OR4E2: variants seen among roughly 807,000 people sequenced by gnomAD.
The protein encoded by OR4E2 is olfactory receptor family 4 subfamily E member 2, also known as olfactory receptor 4E2.
A neutral mutation model predicts 11.0 loss-of-function variants in OR4E2; 9 were observed. That is an observed-to-expected ratio of 0.82 (90% CI 0.49 to 1.43). The LOEUF is 1.43. OR4E2 is among the 40% of genes most tolerant of loss of function. The probability of loss-of-function intolerance (pLI) is 0.00; values close to 1 mark genes in which losing one functional copy is unlikely to be tolerated. For missense variants in OR4E2, 441 were observed against 382.0 expected (o/e 1.15, Z -1.29); for synonymous variants, 159 against 147.3 (o/e 1.08, Z -0.57).
At chr14:21,664,958 ATAAGC>A in intron 3 of OR4E2, 112 bp from the exon 4 acceptor site, 1 of 633,234 alleles carries the variant, frequency 1.6e-6, no homozygotes, top group East Asian at 2.8e-5. Flanking sequence ...AATTGATTTC[ATAAGC>A]TATATGCTCT....
intron 1 of OR4E2, 62 bp downstream of exon 1, chr14:21,654,001 G>A (rs992636386): frequency 1.3e-5 from 2 of 152,178 alleles, no homozygotes; most frequent in African/African-American, 4.8e-5. Context: ...TAGTTTTTAT[G>A]TATAAACAAA....
chr14:21,661,652 T>C (rs1468521370), intron 3 of OR4E2, among the ~76,000 whole-genome samples: 1 of 152,254 alleles, frequency 6.6e-6, no homozygotes, highest in Non-Finnish European at 1.5e-5. Flanking sequence ...GTGGTTCTAA[T>C]GTGCAGCCAC....
At chr14:21,659,274 A>G (rs940160046) in intron 2 of OR4E2, among the ~76,000 whole-genome samples, 1 of 152,160 alleles carries the variant, frequency 6.6e-6, no homozygotes, top group Admixed American at 6.5e-5. Flanking sequence ...GCCTCAAGCA[A>G]TCCTCTTGCC....
intron 2 of OR4E2, among the ~76,000 whole-genome samples, chr14:21,658,622 CTG>C (rs1227278410): frequency 1.3e-5 from 2 of 152,056 alleles, no homozygotes; most frequent in Non-Finnish European, 2.9e-5. Context: ...TAGGCTGAAA[CTG>C]GGGTCAGGGA....
chr14:21,657,442 TCCTTC>T (rs1880046743), intron 2 of OR4E2, among the ~76,000 whole-genome samples: 1 of 3,968 alleles, frequency 2.5e-4, no homozygotes, highest in Non-Finnish European at 6.2e-4. Context: ...CTTCTTTCTT[TCCTTC>T]CTTCCTTCCT....
rs1426363590 is a variant in OR4E2 at position 21,666,077 on chromosome 14, A to G, written c.*53A>G. ...CAGCCACATCCTTAATGAAAGAGCA[A>G]AAGTAAAGAGTCAAAATCAACTTAT... On this transcript the variant is annotated 3_prime_UTR_variant, in exon 4 of 4. Coordinates refer to ENST00000641524, the MANE Select transcript of OR4E2 (RefSeq NM_001001912.3). 8 of 1,324,980 alleles carry G rather than the reference A, an allele frequency of 6.0e-6. No homozygotes were observed. Among genetic ancestry groups the G allele is most frequent in the Admixed American group, 3.9e-5 (2 of 51,186 alleles). The allele number at this position is 1,324,980 out of a possible 1,614,324, so 82.1% of individuals were successfully genotyped here.
chr14:21,666,952 C>G lies in OR4E2; in HGVS notation c.*928C>G, dbSNP rs543925568. 6.6e-6 allele frequency: 1 copy of G among 152,208 alleles called. No individual in the cohort carries two copies. The highest frequency in any genetic ancestry group is 2.4e-5 in the African/African-American group (1 of 41,528). 9.4% of individuals were successfully genotyped at this position (152,208 alleles called of 1,614,324 possible). A position where few individuals can be genotyped will look rare whatever the true frequency, so the allele number is the denominator to read the frequency against. On this transcript the variant is annotated 3_prime_UTR_variant, in exon 4 of 4. Transcript: ENST00000641524. The stretch of plus-strand genomic sequence containing the variant: ...AAGCCACCTGCCCCTCTCAGCTAAT[C>G]ATTAACTACTATCACTCATTGGGCT...
In OR4E2 at chr14:21,665,328, G is replaced by A. The variant is rs1486023976; in HGVS notation, c.246G>A (p.Leu82=). 1 of 1,614,074 alleles carries A rather than the reference G, an allele frequency of 6.2e-7. No individual in the cohort carries two copies. The highest frequency in any genetic ancestry group is 1.1e-5 in the South Asian group (1 of 91,084). ...CHSSVTVPKM[L]EGLLLERKTI... The stretch of plus-strand genomic sequence containing the variant: ...CATCTGTCACTGTGCCTAAGATGTT[G>A]GAGGGTTTGCTTTTAGAAAGAAAGA... Residue 82 remains leucine, a synonymous_variant, in exon 4 of 4, where the codon TTG becomes TTA. Transcript: ENST00000641524.
At position 21,656,590 on chromosome 14, in the gene OR4E2, G is replaced by T. The variant is rs118086505; in HGVS notation, c.-103+1G>T. The T allele has an allele frequency of 1.3e-5, 2 of 152,228 alleles. No individual in the cohort carries two copies. The highest frequency in any genetic ancestry group is 3.9e-4 in the East Asian group (2 of 5,186). 9.4% of individuals were successfully genotyped at this position (152,228 alleles called of 1,614,324 possible). A position where few individuals can be genotyped will look rare whatever the true frequency, so the allele number is the denominator to read the frequency against. On this transcript the variant is annotated splice_donor_variant, in intron 2 of 3. Coordinates refer to ENST00000641524, the MANE Select transcript of OR4E2 (RefSeq NM_001001912.3). LOFTEE classifies it low-confidence loss of function (5UTR_SPLICE). ...ATCCCTGCACAACTGGAGAAAACTG[G>T]TAAGTTTTACCACTACCTGCGCTGC...
Position 21,666,004 on chromosome 14 carries a change from T to C in OR4E2, c.922T>C (p.Phe308Leu). Residue 308 changes from phenylalanine to leucine, a missense_variant, in exon 4 of 4, where the codon TTC (phenylalanine) becomes CTC (leucine). Transcript: ENST00000641524. ...GCAGCTCAGGCAGAGACAAGTTTTT[T>C]TCACGAAATCATATACATAATGGGC... ...MKQLRQRQVF[F>L]TKSYT 5 of 1,613,512 alleles carry C rather than the reference T, an allele frequency of 3.1e-6. No individual in the cohort carries two copies. Among genetic ancestry groups the C allele is most frequent in the Non-Finnish European group, 4.2e-6 (5 of 1,179,658 alleles).
At chr14:21,657,844 C>T (rs1026980578) in intron 2 of OR4E2, among the ~76,000 whole-genome samples, 2 of 152,110 alleles carry the variant, frequency 1.3e-5, no homozygotes, top group African/African-American at 4.8e-5. Context: ...CCCCCTCGGC[C>T]TCCTAAAGTG....
chr14:21,661,719 T>G (rs1336455054), intron 3 of OR4E2, among the ~76,000 whole-genome samples: 1 of 152,230 alleles, frequency 6.6e-6, no homozygotes, highest in African/African-American at 2.4e-5. Flanking sequence ...TTATTATTAT[T>G]CTTAATAGCT....
chr14:21,665,217 C>T lies in OR4E2; in HGVS notation c.135C>T (p.Ile45=), dbSNP rs1880567564. 1 of 1,613,872 alleles carries T rather than the reference C, an allele frequency of 6.2e-7. No individual in the cohort carries two copies. Among genetic ancestry groups the T allele is most frequent in the Admixed American group, 1.7e-5 (1 of 60,002 alleles). Residue 45 remains isoleucine (I), a synonymous_variant, in exon 4 of 4, where the codon ATC becomes ATT. Transcript: ENST00000641524. Reference sequence around the variant, plus strand: ...TAACGCTTTCGGGGAACATTCTCATCATCATTGCCACAGTCTTTACTCCAA... The same window carrying T: ...TAACGCTTTCGGGGAACATTCTCATTATCATTGCCACAGTCTTTACTCCAA... ...YMLTLSGNIL[I]IIATVFTPSL...
rs775834015 is a variant in OR4E2, at chr14:21,665,475, C to G, written c.393C>G (p.His131Gln). ...ACGTGGCTATCTGCACTCCACTCCACTACCCCAATGTGATGAACATGAGAG... is the reference window on the plus strand; with the variant it reads ...ACGTGGCTATCTGCACTCCACTCCAGTACCCCAATGTGATGAACATGAGAG... ...DRYVAICTPL[H>Q]YPNVMNMRVC... Residue 131 changes from histidine (H) to glutamine (Q), a missense_variant, in exon 4 of 4, where the codon CAC (histidine) becomes CAG (glutamine). His to Gln is a conservative substitution (Grantham distance 24). Coordinates refer to ENST00000641524, the MANE Select transcript of OR4E2 (RefSeq NM_001001912.3). 1.9e-6 allele frequency: 3 copies of G among 1,614,194 alleles called. No individual in the cohort carries two copies. Among genetic ancestry groups the G allele is most frequent in the Non-Finnish European group, 2.5e-6 (3 of 1,180,030 alleles).
At chr14:21,654,456 C>T (rs1879826406) in intron 1 of OR4E2, among the ~76,000 whole-genome samples, 1 of 151,332 alleles carries the variant, frequency 6.6e-6, no homozygotes, top group Non-Finnish European at 1.5e-5. Context: ...TGCACACACA[C>T]ACAGATGCAC....
chr14:21,662,662 T>A (rs541499869), intron 3 of OR4E2, among the ~76,000 whole-genome samples: 3 of 152,212 alleles, frequency 2.0e-5, no homozygotes, highest in Non-Finnish European at 4.4e-5. Flanking sequence ...TTATTCATTA[T>A]GTTTAATATT....
chr14:21,655,386 C>T (rs1053588323), intron 1 of OR4E2, among the ~76,000 whole-genome samples: 6 of 152,080 alleles, frequency 3.9e-5, no homozygotes, highest in Non-Finnish European at 7.4e-5. Flanking sequence ...ATTTTCTTAC[C>T]GGGCCCCATG....
chr14:21,663,619 G>T (rs539487967), intron 3 of OR4E2, among the ~76,000 whole-genome samples: 1 of 152,298 alleles, frequency 6.6e-6, no homozygotes, highest in Admixed American at 6.5e-5. Flanking sequence ...TTTTCTTAAA[G>T]GTAGTGTTCT....
intron 2 of OR4E2, among the ~76,000 whole-genome samples, chr14:21,658,765 A>T (rs1255592285): frequency 1.3e-5 from 2 of 152,136 alleles, no homozygotes; most frequent in Non-Finnish European, 2.9e-5. Context: ...AAGGTAAAAA[A>T]GGTAGACAAA....
Sources: allele counts gnomAD v4.1 joint callset (sites outside exome capture counted in the v4.1 genomes callset), GRCh38; gene constraint gnomAD v4.1.1; transcripts MANE v1.5; gene names NCBI Gene and HGNC (gene_info 2026-07-23, HGNC 2026-07-21).